Variants in IRS1 observed in about 807,000 individuals in gnomAD.
IRS1 encodes insulin receptor substrate 1.
A neutral mutation model predicts 65.6 loss-of-function variants in IRS1; 34 were observed. The observed-to-expected ratio is 0.52, with a 90% CI of 0.39 to 0.69. The LOEUF (loss-of-function observed/expected upper bound fraction) is 0.69, where lower values mean the gene tolerates loss of function less well. Ranked by LOEUF, IRS1 falls within the 30% of genes least tolerant of loss-of-function variation. The pLI, the probability that IRS1 is intolerant of heterozygous loss-of-function variation, is 0.00. For missense variants in IRS1, 1,641 were observed against 1,720.2 expected, an observed-to-expected ratio of 0.95 and a Z score of 0.81; for synonymous variants, 699 against 683.5, an observed-to-expected ratio of 1.02 and a Z score of -0.35.
At position 226,765,370 on chromosome 2, in the gene IRS1, A is replaced by T. The variant is rs529166118; in HGVS notation, c.*22-29120T>A. On this transcript the variant is annotated intron_variant, in intron 1 of 1. Coordinates refer to ENST00000305123, the MANE Select transcript of IRS1 (RefSeq NM_005544.3). ...TTTTATTGACTAACAAGTAGCAAAA[A>T]CTCTTACTGAATCACTATTTATTGT... 2.5e-3 allele frequency among the ~76,000 whole-genome samples: 373 copies of T among 152,184 alleles called. 1 individual carries two copies. The highest frequency in any genetic ancestry group is 3.2e-3 in the Non-Finnish European group (221 of 68,006).
Position 226,799,377 on chromosome 2 carries a change from C to G in IRS1, c.-639G>C, listed in dbSNP as rs1375617421. On this transcript the variant is annotated 5_prime_UTR_variant, in exon 1 of 2. Transcript: ENST00000305123. This position sits in a 1 kb window ranked among gnomAD's most constrained non-coding sequence, Gnocchi z 6.1. ...GCGGCTGTTGCTGTTGCTGCTGCTG[C>G]TGCTGCTGCTGCTGCCGCCGCCCGC... 23 of 1,267,036 alleles carry G rather than the reference C, an allele frequency of 1.8e-5. No homozygotes were observed. The highest frequency in any genetic ancestry group is 2.4e-5 in the Non-Finnish European group (23 of 972,578). The allele number at this position is 1,267,036 out of a possible 1,614,324, so 78.5% of individuals were successfully genotyped here.
chr2:226,766,161 A>ATTTTTTTTTT (rs1312915502), intron 1 of IRS1, among the ~76,000 whole-genome samples: 6 of 5,458 alleles, frequency 1.1e-3, no homozygotes, highest in Non-Finnish European at 1.2e-3. Context: ...ATATATATAT[A>ATTTTTTTTTT]TATTTTTTTT....
chr2:226,744,014 T>C (rs775312920), intron 1 of IRS1, among the ~76,000 whole-genome samples: 2 of 152,252 alleles, frequency 1.3e-5, no homozygotes, highest in African/African-American at 4.8e-5. Context: ...CGTCTGATTT[T>C]ACATTTGAGT....
chr2:226,745,275 A>C, intron 1 of IRS1, among the ~76,000 whole-genome samples: 1 of 152,228 alleles, frequency 6.6e-6, no homozygotes, highest in East Asian at 1.9e-4. Flanking sequence ...TAAAGTAATA[A>C]TGCAATAAAT....
At chr2:226,777,871 A>T (rs1458975655) in intron 1 of IRS1, among the ~76,000 whole-genome samples, 1 of 152,192 alleles carries the variant, frequency 6.6e-6, no homozygotes, top group Non-Finnish European at 1.5e-5. Flanking sequence ...TGTCTTTATC[A>T]GCAGTGTGAA....
At chr2:226,736,433 G>C (rs55924404) in intron 1 of IRS1, among the ~76,000 whole-genome samples, 183 bp from the exon 2 acceptor site, 215 of 152,204 alleles carry the variant, frequency 1.4e-3, no homozygotes, top group Middle Eastern at 6.8e-3. Flanking sequence ...CAAAATGCAA[G>C]AGTCTAAAGA....
intron 1 of IRS1, among the ~76,000 whole-genome samples, chr2:226,737,997 T>G (rs1938363394): frequency 3.3e-5 from 5 of 152,206 alleles, no homozygotes; most frequent in Admixed American, 3.3e-4. Context: ...GTGGCTTCAC[T>G]GGACCCCAAG....
rs1938261832 is a variant in IRS1 at position 226,733,077 on chromosome 2, A to T, written c.*3195T>A. The T allele has an allele frequency of 6.6e-6, 1 of 152,046 alleles. No homozygotes were observed. The highest frequency in any genetic ancestry group is 2.1e-4 in the South Asian group (1 of 4,808). 9.4% of individuals were successfully genotyped at this position (152,046 alleles called of 1,614,324 possible). A position where few individuals can be genotyped will look rare whatever the true frequency, so the allele number is the denominator to read the frequency against. The stretch of plus-strand genomic sequence containing the variant: ...TGAAACCCTTTCCCCCCTTTTTTTA[A>T]CCACCTGCAGTAAATAAATATAAAG... On this transcript the variant is annotated 3_prime_UTR_variant, in exon 2 of 2. Transcript: ENST00000305123.
intron 1 of IRS1, among the ~76,000 whole-genome samples, chr2:226,766,138 TATA>T (rs1939031610): frequency 1.5e-3 from 6 of 3,996 alleles, no homozygotes; most frequent in Non-Finnish European, 2.3e-3. Flanking sequence ...TATATATATA[TATA>T]TATATATATA....
Position 226,735,234 on chromosome 2 carries a change from G to C in IRS1, c.*1038C>G, listed in dbSNP as rs1938303272. The C allele has an allele frequency of 6.6e-6, 1 of 152,162 alleles. No homozygotes were observed. The highest frequency in any genetic ancestry group is 2.4e-5 in the African/African-American group (1 of 41,432). The allele number at this position is 152,162 out of a possible 1,614,324, so 9.4% of individuals were successfully genotyped here. On this transcript the variant is annotated 3_prime_UTR_variant, in exon 2 of 2. Coordinates refer to ENST00000305123, the MANE Select transcript of IRS1 (RefSeq NM_005544.3). ...GAGGGGACAGAAGAAAAGATCAACAGTATCTAGTTTATTATGAATAGAAAG... is the reference window on the plus strand; with the variant it reads ...GAGGGGACAGAAGAAAAGATCAACACTATCTAGTTTATTATGAATAGAAAG...
At chr2:226,760,160 G>A (rs1938887233) in intron 1 of IRS1, among the ~76,000 whole-genome samples, 1 of 152,112 alleles carries the variant, frequency 6.6e-6, no homozygotes, top group Non-Finnish European at 1.5e-5. Flanking sequence ...GGGTATCAAA[G>A]TGAGACCCTG....
At chr2:226,774,815 C>T (rs528410990) in intron 1 of IRS1, among the ~76,000 whole-genome samples, 2 of 152,224 alleles carry the variant, frequency 1.3e-5, no homozygotes, top group Non-Finnish European at 2.9e-5. Flanking sequence ...CTGCATATTG[C>T]TAAGTAAACG....
chr2:226,734,755 C>G lies in IRS1; in HGVS notation c.*1517G>C, dbSNP rs1355294059. 1 of 152,198 alleles carries G rather than the reference C, an allele frequency of 6.6e-6. No homozygotes were observed. Among genetic ancestry groups the G allele is most frequent in the Admixed American group, 6.5e-5 (1 of 15,274 alleles). 9.4% of individuals were successfully genotyped at this position (152,198 alleles called of 1,614,324 possible). A position where few individuals can be genotyped will look rare whatever the true frequency, so the allele number is the denominator to read the frequency against. ...AGATTTAAAAATCTGTCGGCAATATCTTTAAATGCATTCATTGCCATTTGT... is the reference window on the plus strand; with the variant it reads ...AGATTTAAAAATCTGTCGGCAATATGTTTAAATGCATTCATTGCCATTTGT... On this transcript the variant is annotated 3_prime_UTR_variant, in exon 2 of 2. Coordinates refer to ENST00000305123, the MANE Select transcript of IRS1 (RefSeq NM_005544.3).
Position 226,797,441 on chromosome 2 carries a change from G to C in IRS1, c.1298C>G (p.Ser433Cys), listed in dbSNP as rs370615927. Residue 433 changes from serine to cysteine, a missense_variant, in exon 1 of 2, where the codon TCC (serine) becomes TGC (cysteine). Coordinates refer to ENST00000305123, the MANE Select transcript of IRS1 (RefSeq NM_005544.3). The surrounding 1 kb of genome is among the most constrained non-coding windows in gnomAD (Gnocchi z 8.1). Reference protein sequence around the residue: ...GGFISSDEYGSSPCDFRSSFR... With the variant: ...GGFISSDEYGCSPCDFRSSFR... Reference sequence around the variant, plus strand: ...GGAACTCCGGAAATCGCAGGGACTGGAGCCATACTCATCCGAGGAGATGAA... The same window carrying C: ...GGAACTCCGGAAATCGCAGGGACTGCAGCCATACTCATCCGAGGAGATGAA... 6.2e-6 allele frequency: 10 copies of C among 1,613,422 alleles called. No homozygotes were observed. Among genetic ancestry groups the C allele is most frequent in the Non-Finnish European group, 7.6e-6 (9 of 1,179,944 alleles).
chr2:226,776,694 G>T (rs927569033), intron 1 of IRS1, among the ~76,000 whole-genome samples: 2 of 152,004 alleles, frequency 1.3e-5, no homozygotes, highest in African/African-American at 4.8e-5. Flanking sequence ...ATCACTTGAG[G>T]TCAGGAGTTC....
chr2:226,739,187 T>C (rs1938389293), intron 1 of IRS1, among the ~76,000 whole-genome samples: 1 of 152,202 alleles, frequency 6.6e-6, no homozygotes, highest in Non-Finnish European at 1.5e-5. Context: ...CTTAGCACAC[T>C]ACTTTTCAAA....
chr2:226,787,338 A>G (rs868500859), intron 1 of IRS1, among the ~76,000 whole-genome samples: 1 of 152,214 alleles, frequency 6.6e-6, no homozygotes, highest in Non-Finnish European at 1.5e-5. Context: ...GATTCAGAAA[A>G]ATACAAACCT....
chr2:226,731,797 G>C lies in IRS1; in HGVS notation c.*4475C>G, dbSNP rs886679302. 1 of 151,760 alleles carries C rather than the reference G, an allele frequency of 6.6e-6. No individual in the cohort carries two copies. The highest frequency in any genetic ancestry group is 1.9e-4 in the East Asian group (1 of 5,188). 9.4% of individuals were successfully genotyped at this position (151,760 alleles called of 1,614,324 possible). A position where few individuals can be genotyped will look rare whatever the true frequency, so the allele number is the denominator to read the frequency against. ...GTACTTTGCAAGAAAAAATTGTTTT[G>C]GGAACTACATTCTTAAGCCAATGGT... On this transcript the variant is annotated 3_prime_UTR_variant, in exon 2 of 2. Coordinates refer to ENST00000305123, the MANE Select transcript of IRS1 (RefSeq NM_005544.3).
At chr2:226,760,007 T>A (rs1028020866) in intron 1 of IRS1, among the ~76,000 whole-genome samples, 1 of 152,104 alleles carries the variant, frequency 6.6e-6, no homozygotes, top group Non-Finnish European at 1.5e-5. Flanking sequence ...AAACCCCACC[T>A]CTATTTTTAG....
Sources: allele counts gnomAD v4.1 joint callset (sites outside exome capture counted in the v4.1 genomes callset), GRCh38; gene constraint gnomAD v4.1.1; non-coding constraint Gnocchi (gnomAD v3.1); transcripts MANE v1.5; gene names NCBI Gene and HGNC (gene_info 2026-07-23, HGNC 2026-07-21).